Variants in SAMD3 observed in about 807,000 individuals in gnomAD.
SAMD3 encodes sterile alpha motif domain-containing protein 3.
A neutral mutation model predicts 58.5 loss-of-function variants in SAMD3; 63 were observed. The ratio of observed to expected loss-of-function variants is 1.08; its 90% CI spans 0.88 to 1.33. The LOEUF is 1.33. Ranked by LOEUF, SAMD3 falls within the 40% of genes most tolerant of loss-of-function variation. The probability of loss-of-function intolerance (pLI) is 0.00; values close to 1 mark genes in which losing one functional copy is unlikely to be tolerated. For missense variants in SAMD3, 604 were observed against 608.4 expected (o/e 0.99, Z 0.08); for synonymous variants, 220 against 210.3 (o/e 1.05, Z -0.40).
At chr6:130,304,590 T>C (rs1293060832) in intron 2 of SAMD3, among the ~76,000 whole-genome samples, 2 of 152,228 alleles carry the variant, frequency 1.3e-5, no homozygotes, top group Non-Finnish European at 2.9e-5. Flanking sequence ...GACTTTTTAC[T>C]GAAGTTAAAA....
At chr6:130,261,569 C>T in intron 2 of SAMD3, among the ~76,000 whole-genome samples, 1 of 151,914 alleles carries the variant, frequency 6.6e-6, no homozygotes, top group East Asian at 1.9e-4. Flanking sequence ...CCCTTTTTAC[C>T]CATTCTTTGT....
At chr6:130,217,810 GACA>G (rs1796076122) in intron 1 of SAMD3, among the ~76,000 whole-genome samples, 1 of 152,138 alleles carries the variant, frequency 6.6e-6, no homozygotes, top group African/African-American at 2.4e-5. Flanking sequence ...CAAAAGCTGA[GACA>G]ACAAAAGATT....
chr6:130,233,606 C>T (rs191133095), intron 2 of SAMD3, among the ~76,000 whole-genome samples: 2 of 152,108 alleles, frequency 1.3e-5, no homozygotes, highest in African/African-American at 4.8e-5. Flanking sequence ...GAAGGAATCA[C>T]TTTAAAAAGC....
rs1447876225 is a variant in SAMD3 at position 130,341,170 on chromosome 6, G to GGAGA, written c.-304+23949_-304+23950insTCTC. The stretch of plus-strand genomic sequence containing the variant: ...GGGAGGGAGGAAGAGAGGGAGGGAG[G>GGAGA]AAGGAAGGAAGGAAATAAATAAATT... On this transcript the variant is annotated intron_variant, in intron 1 of 13. Coordinates refer to the SAMD3 transcript ENST00000368134. 2.0e-5 allele frequency among the ~76,000 whole-genome samples: 3 copies of GGAGA among 151,770 alleles called. No individual in the cohort carries two copies. In the East Asian group the frequency reaches 5.8e-4, roughly 29 times the overall value.
In SAMD3 at chr6:130,144,749, C is replaced by T. The variant is rs1788461445; in HGVS notation, c.1334G>A (p.Cys445Tyr). 4.3e-6 allele frequency: 7 copies of T among 1,613,974 alleles called. No homozygotes were observed. The highest frequency in any genetic ancestry group is 1.7e-4 in the Middle Eastern group (1 of 6,060). ...EVKNPFNMEV[C>Y]EFSLYLERER... The stretch of plus-strand genomic sequence containing the variant: ...CCTTTCTAAATATAAAGAAAATTCG[C>T]AGACCTCCATGTTGAAAGGGTTTTT... The change falls in exon 12 of 12, where the codon TGC becomes TAC. Residue 445 changes from cysteine to tyrosine, a missense_variant. Physicochemically the swap from Cys to Tyr is radical, Grantham distance 194. Transcript: ENST00000439090.
At chr6:130,260,800 C>A (rs1448946971) in intron 2 of SAMD3, among the ~76,000 whole-genome samples, 1 of 152,192 alleles carries the variant, frequency 6.6e-6, no homozygotes, top group Non-Finnish European at 1.5e-5. Context: ...TGTGTGGCAG[C>A]CCCCTGTGGA....
At chr6:130,221,079 C>G (rs534237156) in intron 1 of SAMD3, among the ~76,000 whole-genome samples, 3 of 152,194 alleles carry the variant, frequency 2.0e-5, no homozygotes, top group South Asian at 4.1e-4. Flanking sequence ...TGGTCTCGAT[C>G]TCCTGACCTT....
chr6:130,347,219 T>C (rs1437042476), intron 1 of SAMD3, among the ~76,000 whole-genome samples: 2 of 151,940 alleles, frequency 1.3e-5, no homozygotes, highest in Non-Finnish European at 2.9e-5. Context: ...AGAACAAAAC[T>C]GGATGGAGAA....
At chr6:130,254,899 T>G (rs1008640782) in intron 2 of SAMD3, among the ~76,000 whole-genome samples, 4 of 152,236 alleles carry the variant, frequency 2.6e-5, no homozygotes, top group African/African-American at 9.6e-5. Context: ...CAGTTGTTTA[T>G]TTTATATCTT....
At chr6:130,298,218 G>A (rs1775632960) in intron 2 of SAMD3, among the ~76,000 whole-genome samples, 1 of 152,098 alleles carries the variant, frequency 6.6e-6, no homozygotes, top group Non-Finnish European at 1.5e-5. Flanking sequence ...AAAGAGATTG[G>A]GGGCCTAGTT....
intron 8 of SAMD3, among the ~76,000 whole-genome samples, chr6:130,155,853 C>A (rs1465380422): frequency 6.6e-6 from 1 of 152,004 alleles, no homozygotes; most frequent in Non-Finnish European, 1.5e-5. Flanking sequence ...AAGACCTAAA[C>A]CAAGTGAAGG....
At chr6:130,176,099 C>G in intron 7 of SAMD3, 91 bp from the exon 8 acceptor site, 2 of 967,836 alleles carry the variant, frequency 2.1e-6, no homozygotes, top group Non-Finnish European at 1.6e-6. Flanking sequence ...ACATACCTAT[C>G]ATCTTTGGGC....
intron 1 of SAMD3, among the ~76,000 whole-genome samples, chr6:130,351,498 A>T (rs1393571714): frequency 6.6e-6 from 1 of 152,226 alleles, no homozygotes; most frequent in Admixed American, 6.5e-5. Context: ...ACTGGCCATC[A>T]GAGAAATGCA....
intron 5 of SAMD3, among the ~76,000 whole-genome samples, chr6:130,205,671 C>A (rs1795023835): frequency 6.6e-6 from 1 of 152,144 alleles, no homozygotes; most frequent in African/African-American, 2.4e-5. Context: ...GTTGGGTTTA[C>A]AACAGCAAGA....
At chr6:130,258,158 GTATC>G (rs1773988492) in intron 2 of SAMD3, among the ~76,000 whole-genome samples, 1 of 152,040 alleles carries the variant, frequency 6.6e-6, no homozygotes, top group Non-Finnish European at 1.5e-5. Flanking sequence ...ATTCTTGTAT[GTATC>G]TTTTGATCTA....
intron 5 of SAMD3, among the ~76,000 whole-genome samples, chr6:130,194,186 G>A (rs931676579): frequency 6.6e-6 from 1 of 152,110 alleles, no homozygotes; most frequent in African/African-American, 2.4e-5. Context: ...GGAGCTAAAG[G>A]TATAGTCAAG....
At chr6:130,282,313 C>T (rs948429367) in intron 2 of SAMD3, among the ~76,000 whole-genome samples, 1 of 152,122 alleles carries the variant, frequency 6.6e-6, no homozygotes, top group Admixed American at 6.6e-5. Context: ...CAGAGGAAAA[C>T]AAGAAGCAGA....
intron 1 of SAMD3, among the ~76,000 whole-genome samples, chr6:130,334,909 C>T (rs1182524749): frequency 6.8e-6 from 1 of 146,668 alleles, no homozygotes; most frequent in Non-Finnish European, 1.6e-5. Flanking sequence ...CTGTTACCAG[C>T]AGACAGCCAG....
At chr6:130,219,605 T>A (rs1174421285) in intron 1 of SAMD3, among the ~76,000 whole-genome samples, 2 of 152,168 alleles carry the variant, frequency 1.3e-5, no homozygotes, top group Non-Finnish European at 2.9e-5. Context: ...CATTCCTGAG[T>A]CACTTCATTT....
Sources: gnomAD v4.1 joint callset for allele counts (sites outside exome capture counted in the v4.1 genomes callset) on GRCh38, gnomAD v4.1.1 for gene constraint, MANE v1.5 for transcripts, NCBI Gene and HGNC (gene_info 2026-07-23, HGNC 2026-07-21) for gene names.